The following SYNE2 variants were observed in gnomAD, a reference collection of about 807,000 sequenced individuals.
SYNE2 encodes the protein nesprin-2.
In SYNE2, 431 loss-of-function variants were observed where a neutral mutation model predicts 856.3. The ratio of observed to expected loss-of-function variants is 0.50; its 90% CI spans 0.47 to 0.55. The LOEUF (loss-of-function observed/expected upper bound fraction) is 0.55, where lower values mean the gene tolerates loss of function less well. Among genes scored for constraint, SYNE2 ranks in the 20% least tolerant of loss-of-function variants. The pLI is 0.00. For synonymous variants in SYNE2, 2,923 were observed against 2,872.3 expected (o/e 1.02, Z -0.56); for missense variants, 8,129 against 8,023.2 (o/e 1.01, Z -0.50).
chr14:63,981,581 C>T (rs1466761364), intron 16 of SYNE2, among the ~76,000 whole-genome samples: 2 of 152,128 alleles, frequency 1.3e-5, no homozygotes, highest in Non-Finnish European at 2.9e-5. Flanking sequence ...TGAAACCTTT[C>T]AGCTCTAAAA....
At chr14:64,089,362 G>A (rs545988961) in intron 58 of SYNE2, among the ~76,000 whole-genome samples, 11 of 92,626 alleles carry the variant, frequency 1.2e-4, no homozygotes, top group East Asian at 3.6e-4. Flanking sequence ...GCGAAACTCC[G>A]TCTCAGGAAA....
At position 64,052,290 on chromosome 14, in the gene SYNE2, G is replaced by A. The variant is rs747840683; in HGVS notation, c.8377G>A (p.Val2793Ile). ...ESLAEEVKDK[V>I]PSLTTYEGSD... The stretch of plus-strand genomic sequence containing the variant: ...GTTGGCTGAAGAGGTCAAAGATAAG[G>A]TTCCTAGCCTTACAACCTATGAGGG... The change falls in exon 48 of 116, where the codon GTT becomes ATT. Residue 2793 changes from valine (V) to isoleucine (I), a missense_variant. Val to Ile is a conservative substitution (Grantham distance 29, BLOSUM62 3). Transcript: ENST00000555002. 5.0e-6 allele frequency: 8 copies of A among 1,614,020 alleles called. No individual in the cohort carries two copies. Among genetic ancestry groups the A allele is most frequent in the South Asian group, 3.3e-5 (3 of 91,090 alleles).
At chr14:63,947,617 C>T (rs933263455) in intron 6 of SYNE2, among the ~76,000 whole-genome samples, 1 of 152,142 alleles carries the variant, frequency 6.6e-6, no homozygotes, top group Admixed American at 6.5e-5. Flanking sequence ...AGGTGGACCA[C>T]CTGAGGTTGG....
At chr14:63,829,081 A>G (rs1339886857) in intron 1 of SYNE2, among the ~76,000 whole-genome samples, 1 of 152,096 alleles carries the variant, frequency 6.6e-6, no homozygotes, top group Non-Finnish European at 1.5e-5. Flanking sequence ...ACCCTCATAT[A>G]TTGCTGATGG....
intron 64 of SYNE2, among the ~76,000 whole-genome samples, chr14:64,104,599 G>A (rs893895605): frequency 2.0e-5 from 3 of 152,036 alleles, no homozygotes; most frequent in Non-Finnish European, 4.4e-5. Flanking sequence ...ACAGGTGCCC[G>A]CCACCATGCC....
At chr14:63,911,262 T>C (rs189245134) in intron 2 of SYNE2, among the ~76,000 whole-genome samples, 2 of 152,270 alleles carry the variant, frequency 1.3e-5, no homozygotes, top group African/African-American at 4.8e-5. Flanking sequence ...CCTTCATACA[T>C]CCTTTATCCA....
chr14:63,974,878 GTGTGTGTGTGTGTGTA>G (rs2096524653), intron 11 of SYNE2, among the ~76,000 whole-genome samples: 6 of 29,346 alleles, frequency 2.0e-4, no homozygotes, highest in Non-Finnish European at 3.4e-4. Flanking sequence ...GTGTGTGTGT[GTGTGTGTGTGTGTGTA>G]TATATATATA....
At chr14:63,916,720 A>G (rs1740723981) in intron 2 of SYNE2, among the ~76,000 whole-genome samples, 1 of 152,116 alleles carries the variant, frequency 6.6e-6, no homozygotes, top group Non-Finnish European at 1.5e-5. Context: ...TTATGAGAGA[A>G]GACTCTGTTC....
intron 1 of SYNE2, among the ~76,000 whole-genome samples, chr14:63,809,263 A>G (rs780075323): frequency 3.3e-5 from 5 of 151,766 alleles, no homozygotes; most frequent in African/African-American, 1.2e-4. Context: ...AACATCCTGT[A>G]TTTTATCAAA....
chr14:64,083,916 TAGA>T (rs2097541512), intron 57 of SYNE2, among the ~76,000 whole-genome samples: 2 of 151,562 alleles, frequency 1.3e-5, no homozygotes, highest in Non-Finnish European at 2.9e-5. Context: ...ATTATAAAAA[TAGA>T]AAACTAATTT....
At chr14:63,800,776 A>G (rs1888098295) in intron 1 of SYNE2, among the ~76,000 whole-genome samples, 1 of 152,186 alleles carries the variant, frequency 6.6e-6, no homozygotes, top group South Asian at 2.1e-4. Context: ...ACTTATGAAC[A>G]CAAAGAAGGA....
chr14:63,860,372 T>C (rs1893204977), intron 1 of SYNE2, among the ~76,000 whole-genome samples: 2 of 152,224 alleles, frequency 1.3e-5, no homozygotes, highest in Non-Finnish European at 2.9e-5. Flanking sequence ...GGAGAAGGAA[T>C]CAATCTTCCT....
At chr14:63,781,764 C>T (rs1887321067) in intron 1 of SYNE2, among the ~76,000 whole-genome samples, 1 of 151,996 alleles carries the variant, frequency 6.6e-6, no homozygotes, top group African/African-American at 2.4e-5. Context: ...GTGAGCACAC[C>T]TAGCACCCAG....
At chr14:63,876,585 T>A (rs1377514215) in intron 1 of SYNE2, among the ~76,000 whole-genome samples, 1 of 151,996 alleles carries the variant, frequency 6.6e-6, no homozygotes, top group East Asian at 1.9e-4. Flanking sequence ...CCTCCCAGGT[T>A]CATGCCATTC....
chr14:63,927,154 T>C (rs1359896253), intron 2 of SYNE2, among the ~76,000 whole-genome samples: 1 of 152,192 alleles, frequency 6.6e-6, no homozygotes, highest in African/African-American at 2.4e-5. Flanking sequence ...AGAGAAACCA[T>C]CTAACAATCG....
At chr14:64,136,289 CAAAAAA>C (rs34694248) in intron 78 of SYNE2, among the ~76,000 whole-genome samples, 2 of 62,058 alleles carry the variant, frequency 3.2e-5, no homozygotes, top group Admixed American at 1.8e-4. Flanking sequence ...GACTTCATCT[CAAAAAA>C]AAAAAAAAAA....
intron 8 of SYNE2, among the ~76,000 whole-genome samples, chr14:63,961,281 G>A (rs549124998): frequency 1.5e-4 from 23 of 152,244 alleles, no homozygotes; most frequent in Non-Finnish European, 2.9e-4. Flanking sequence ...ATTAGAAAAC[G>A]GAGACTGTGC....
intron 10 of SYNE2, 120 bp from the exon 11 acceptor site, chr14:63,967,589 G>A: frequency 9.9e-7 from 1 of 1,008,612 alleles, no homozygotes; most frequent in Non-Finnish European, 1.4e-6. Context: ...GGATTCAGGG[G>A]ATTTTACCTT....
chr14:63,924,832 GTGTTTTTTTTTTTTTTTT>G (rs1237106152), intron 2 of SYNE2, among the ~76,000 whole-genome samples: 8 of 92,856 alleles, frequency 8.6e-5, no homozygotes, highest in Admixed American at 5.0e-4. Flanking sequence ...TCCAGCCTTG[GTGTTTTTTTTTTTTTTTT>G]TTTTTTTTTT....
Sources: allele counts gnomAD v4.1 joint callset (sites outside exome capture counted in the v4.1 genomes callset), GRCh38; gene constraint gnomAD v4.1.1; transcripts MANE v1.5; gene names NCBI Gene and HGNC (gene_info 2026-07-23, HGNC 2026-07-21).